Variants in MYO5B observed in about 807,000 individuals in gnomAD.
The protein encoded by MYO5B is myosin VB.
Under a neutral mutation model 229.3 loss-of-function variants are expected in MYO5B, and 143 were observed. That is an observed-to-expected ratio of 0.62 (90% CI 0.54 to 0.72). The LOEUF (loss-of-function observed/expected upper bound fraction) is 0.72, where lower values mean the gene tolerates loss of function less well. Among genes scored for constraint, MYO5B ranks in the 30% least tolerant of loss-of-function variants. The pLI, the probability that MYO5B is intolerant of heterozygous loss-of-function variation, is 0.00. For missense variants in MYO5B, 2,321 were observed against 2,331.0 expected, an observed-to-expected ratio of 1.00 and a Z score of 0.09; for synonymous variants, 918 against 885.2, an observed-to-expected ratio of 1.04 and a Z score of -0.66.
intron 9 of MYO5B, among the ~76,000 whole-genome samples, chr18:49,975,131 A>G (rs1322120964): frequency 6.6e-6 from 1 of 152,196 alleles, no homozygotes; most frequent in African/African-American, 2.4e-5. Flanking sequence ...CCAGAAAGCA[A>G]TTCTCTTCCT....
intron 1 of MYO5B, among the ~76,000 whole-genome samples, chr18:50,104,044 G>A (rs890820296): frequency 6.7e-6 from 1 of 148,564 alleles, no homozygotes; most frequent in Non-Finnish European, 1.5e-5. Flanking sequence ...TGCACCTACA[G>A]TCCTAGCTAC....
At chr18:49,886,695 GT>G (rs1310621324) in intron 22 of MYO5B, among the ~76,000 whole-genome samples, 1 of 152,164 alleles carries the variant, frequency 6.6e-6, no homozygotes, top group Non-Finnish European at 1.5e-5. Context: ...TGCAACAGAT[GT>G]TGTATGTCTT....
chr18:49,978,745 A>ACACACACACACAC (rs1871979069), intron 9 of MYO5B, among the ~76,000 whole-genome samples: 2 of 138,460 alleles, frequency 1.4e-5, no homozygotes, highest in African/African-American at 2.7e-5. Context: ...ACACACACAC[A>ACACACACACACAC]AAATGCTCAG....
intron 16 of MYO5B, 128 bp from the exon 17 acceptor site, chr18:49,929,726 T>A: frequency 1.2e-6 from 1 of 818,096 alleles, no homozygotes; most frequent in Non-Finnish European, 2.0e-6. Context: ...TTACAGCCAC[T>A]GAGTTACCCT....
intron 2 of MYO5B, among the ~76,000 whole-genome samples, chr18:50,050,378 G>T (rs1212174741): frequency 6.6e-6 from 1 of 152,122 alleles, no homozygotes; most frequent in Admixed American, 6.5e-5. Flanking sequence ...GCACCAATAT[G>T]CAAGGACAAT....
chr18:49,853,491 G>T lies in MYO5B; in HGVS notation c.4179C>A (p.Phe1393Leu), dbSNP rs779390956. 1.9e-6 allele frequency: 3 copies of T among 1,614,124 alleles called. No individual in the cohort carries two copies. The highest frequency in any genetic ancestry group is 2.2e-5 in the East Asian group (1 of 44,878). ...GCCGGGATATTTCCTGCTGAACGCC[G>T]AATTCCACCTGGGCCTCTGGGGAGA... is the stretch of plus-strand genomic sequence containing the variant. ...LLLSPEAQVE[F>L]GVQQEISRLT... The change falls in exon 31 of 40, where the codon TTC (phenylalanine) becomes TTA (leucine). Residue 1393 changes from phenylalanine to leucine, a missense_variant. Phe to Leu is a conservative substitution (Grantham distance 22). Around this residue, in one of 2 missense-constraint regions of MYO5B, gnomAD observed 2,113 missense variants for 2,044.7 expected, o/e 1.03. Transcript: ENST00000285039.
intron 15 of MYO5B, 57 bp downstream of exon 15, chr18:49,937,188 C>T (rs1174938996): frequency 1.5e-5 from 24 of 1,601,684 alleles, no homozygotes; most frequent in Non-Finnish European, 2.0e-5. Flanking sequence ...CCTTCATCTA[C>T]AGAGAGGCCA....
At chr18:49,864,029 ACT>A (rs2024363801) in intron 28 of MYO5B, 110 bp downstream of exon 28, 3 of 1,511,794 alleles carry the variant, frequency 2.0e-6, no homozygotes, top group Admixed American at 3.5e-5. Flanking sequence ...ACAGCGAGAG[ACT>A]CTGCTCTTTC....
At chr18:50,141,116 G>T (rs1165453045) in intron 1 of MYO5B, among the ~76,000 whole-genome samples, 3 of 152,146 alleles carry the variant, frequency 2.0e-5, no homozygotes, top group Non-Finnish European at 4.4e-5. Flanking sequence ...GAGGTAGGAG[G>T]CAGGACTCAG....
chr18:49,984,657 C>T, intron 8 of MYO5B, 61 bp downstream of exon 8: 2 of 1,306,044 alleles, frequency 1.5e-6, no homozygotes, highest in Non-Finnish European at 2.2e-6. Flanking sequence ...CATCGCCTTG[C>T]ATTCTACCCT....
rs373794113 is a variant in MYO5B at position 49,909,322 on chromosome 18, G to A, written c.2203-2692C>T. On this transcript the variant is annotated intron_variant, in intron 18 of 39. Coordinates refer to ENST00000285039, the MANE Select transcript of MYO5B (RefSeq NM_001080467.3). The stretch of plus-strand genomic sequence containing the variant: ...TATTCAGTCTCCAGGAAGGATAACT[G>A]CACTCAGTGACATTACTCAATCAGA... 6.6e-5 allele frequency among the ~76,000 whole-genome samples: 10 copies of A among 152,316 alleles called. No individual in the cohort carries two copies. The East Asian group carries it at 1.4e-3, about 21-fold the overall frequency.
At chr18:50,129,033 T>G (rs1048172570) in intron 1 of MYO5B, among the ~76,000 whole-genome samples, 2 of 152,150 alleles carry the variant, frequency 1.3e-5, no homozygotes, top group Non-Finnish European at 2.9e-5. Flanking sequence ...GGTAAGTCAC[T>G]GCTTAATGCA....
chr18:50,012,408 T>G (rs1298346215), intron 4 of MYO5B, among the ~76,000 whole-genome samples: 3 of 152,244 alleles, frequency 2.0e-5, no homozygotes, highest in Non-Finnish European at 4.4e-5. Flanking sequence ...TCTTCCTGGC[T>G]GAAGACCACA....
At chr18:49,973,591 A>G (rs142954585) in intron 10 of MYO5B, among the ~76,000 whole-genome samples, 132 of 152,332 alleles carry the variant, frequency 8.7e-4, no homozygotes, top group Admixed American at 2.2e-3. Context: ...GTAGGTTGCA[A>G]CCCAGTTCGT....
chr18:49,906,276 C>T (rs1005653346), intron 19 of MYO5B, 143 bp downstream of exon 19: 28 of 802,998 alleles, frequency 3.5e-5, no homozygotes, highest in Non-Finnish European at 4.7e-5. Context: ...GCCCAGCTGC[C>T]GAGGAAAAGC....
chr18:49,878,825 G>T, intron 24 of MYO5B, 120 bp downstream of exon 24: 1 of 1,220,184 alleles, frequency 8.2e-7, no homozygotes, highest in Non-Finnish European at 1.2e-6. Flanking sequence ...GGCAAGTGCT[G>T]CACATATGAC....
chr18:50,169,713 C>T lies in MYO5B; in HGVS notation c.27+25054G>A, dbSNP rs1228747028. On this transcript the variant is annotated intron_variant, in intron 1 of 39. Coordinates refer to ENST00000285039, the MANE Select transcript of MYO5B (RefSeq NM_001080467.3). ...GGTATTACTGAGTCAATGGACAAAA[C>T]TTTAAACCCAATTCAAGGTATATGA... Among the ~76,000 whole-genome samples the T allele has an allele frequency of 3.1e-5, 4 of 127,848 alleles. 1 individual carries two copies. Among genetic ancestry groups the T allele is most frequent in the African/African-American group, 5.9e-5 (2 of 33,778 alleles). The allele number at this position is 127,848 out of a possible 152,430, so 83.9% of individuals were successfully genotyped here.
intron 1 of MYO5B, among the ~76,000 whole-genome samples, chr18:50,173,442 C>G (rs562235057): frequency 1.3e-3 from 202 of 152,196 alleles, no homozygotes; most frequent in African/African-American, 4.6e-3. Flanking sequence ...TACGTGATTT[C>G]CAAAAGAGGA....
intron 25 of MYO5B, among the ~76,000 whole-genome samples, 185 bp from the exon 26 acceptor site, chr18:49,876,012 C>G (rs1400837858): frequency 1.3e-5 from 2 of 152,200 alleles, no homozygotes; most frequent in Non-Finnish European, 1.5e-5. Flanking sequence ...AGTTGGTGCT[C>G]CAGGCTCATT....
Sources: gnomAD v4.1 joint callset for allele counts (sites outside exome capture counted in the v4.1 genomes callset) on GRCh38, gnomAD v4.1.1 for gene constraint, gnomAD v4.1.1 regional missense constraint, MANE v1.5 for transcripts, NCBI Gene and HGNC (gene_info 2026-07-23, HGNC 2026-07-21) for gene names.